Variants in ANK3 observed in about 807,000 individuals in gnomAD.
ANK3 encodes ankyrin-3.
Under a neutral mutation model 370.9 loss-of-function variants are expected in ANK3, and 57 were observed. The observed-to-expected ratio is 0.15, with a 90% CI of 0.12 to 0.19. The LOEUF is 0.19. Among genes scored for constraint, ANK3 ranks in the 10% least tolerant of loss-of-function variants. ANK3 has a pLI of 1.00. For missense variants in ANK3, 4,439 were observed against 5,302.1 expected, an observed-to-expected ratio of 0.84 and a Z score of 5.06; for synonymous variants, 1,929 against 1,946.3, an observed-to-expected ratio of 0.99 and a Z score of 0.23.
chr10:60,197,130 GT>G (rs1466588272), intron 14 of ANK3, among the ~76,000 whole-genome samples: 17 of 152,142 alleles, frequency 1.1e-4, no homozygotes, highest in Admixed American at 9.2e-4. Context: ...GTTTCTCCAT[GT>G]ATACACAATC....
intron 5 of ANK3, among the ~76,000 whole-genome samples, chr10:60,269,450 C>T (rs1188190723): frequency 6.6e-6 from 1 of 152,024 alleles, no homozygotes; most frequent in Non-Finnish European, 1.5e-5. Context: ...TCAAGACCAG[C>T]CTGGCCAAGA....
chr10:60,123,503 AAG>A (rs572743959), intron 25 of ANK3, among the ~76,000 whole-genome samples: 11 of 152,300 alleles, frequency 7.2e-5, no homozygotes, highest in African/African-American at 2.4e-4. Context: ...AAGTGTTTGC[AAG>A]AGAGAGAGAA....
chr10:60,701,511 A>G (rs2079545616), intron 1 of ANK3, among the ~76,000 whole-genome samples: 1 of 152,208 alleles, frequency 6.6e-6, no homozygotes, highest in Non-Finnish European at 1.5e-5. Context: ...AACTGGGAAT[A>G]ATCGAAATAC....
chr10:60,713,951 G>C (rs2079746413), intron 1 of ANK3, among the ~76,000 whole-genome samples: 1 of 151,448 alleles, frequency 6.6e-6, no homozygotes, highest in Middle Eastern at 3.4e-3. Flanking sequence ...AAAAAAAAAA[G>C]CTGGGTCTTT....
At chr10:60,095,553 A>G (rs956228638) in intron 28 of ANK3, among the ~76,000 whole-genome samples, 6 of 152,042 alleles carry the variant, frequency 3.9e-5, no homozygotes, top group African/African-American at 1.4e-4. Context: ...GCTAATTTCT[A>G]AACTTTTTTT....
intron 2 of ANK3, among the ~76,000 whole-genome samples, chr10:60,569,548 C>A (rs2077542411): frequency 6.6e-6 from 1 of 152,156 alleles, no homozygotes; most frequent in Non-Finnish European, 1.5e-5. Flanking sequence ...CAGAACAAAA[C>A]ACAGAAATTA....
At chr10:60,391,332 T>C (rs991778467), upstream of ANK3, among the ~76,000 whole-genome samples, 13 of 152,100 alleles carry the variant, frequency 8.5e-5, no homozygotes, top group Admixed American at 8.5e-4. Flanking sequence ...CCATTGCCTA[T>C]GAAACCATAC....
intron 1 of ANK3, among the ~76,000 whole-genome samples, chr10:60,679,167 A>G (rs1248601681): frequency 6.6e-6 from 1 of 152,198 alleles, no homozygotes; most frequent in Non-Finnish European, 1.5e-5. Flanking sequence ...AAATTGCTGC[A>G]TGGACAGGGC....
At chr10:60,678,439 CAA>C (rs1478008320) in intron 1 of ANK3, among the ~76,000 whole-genome samples, 1 of 151,638 alleles carries the variant, frequency 6.6e-6, no homozygotes, top group Non-Finnish European at 1.5e-5. Context: ...CCGCAAAAGC[CAA>C]AAGTCTAGAT....
upstream of ANK3, among the ~76,000 whole-genome samples, chr10:60,392,128 G>GT (rs1361391414): frequency 1.3e-5 from 2 of 152,144 alleles, no homozygotes; most frequent in African/African-American, 2.4e-5. Flanking sequence ...ATCCTGACAA[G>GT]TAACTCTCAA....
At chr10:60,648,075 G>T (rs1009917720) in intron 1 of ANK3, among the ~76,000 whole-genome samples, 1 of 150,944 alleles carries the variant, frequency 6.6e-6, no homozygotes, top group Admixed American at 6.6e-5. Flanking sequence ...TGGATCTCTT[G>T]ACCTCGTGAT....
At chr10:60,201,865 C>T (rs921228079) in intron 12 of ANK3, among the ~76,000 whole-genome samples, 2 of 152,068 alleles carry the variant, frequency 1.3e-5, no homozygotes, top group East Asian at 3.9e-4. Flanking sequence ...GCATGCACCA[C>T]CACGCCCAGC....
chr10:60,240,097 C>CATAT (rs1565913485), intron 7 of ANK3, among the ~76,000 whole-genome samples: 18 of 118,196 alleles, frequency 1.5e-4, no homozygotes, highest in African/African-American at 5.9e-4. Flanking sequence ...TATATATACA[C>CATAT]ACACATAAAT....
intron 2 of ANK3, among the ~76,000 whole-genome samples, chr10:60,506,278 G>A (rs1010903395): frequency 6.6e-6 from 1 of 151,954 alleles, no homozygotes; most frequent in South Asian, 2.1e-4. Context: ...GTTAACATCA[G>A]CACCCTTTAA....
chr10:60,062,085 G>A (rs1229152127), intron 40 of ANK3: 4 of 152,136 alleles, frequency 2.6e-5, no homozygotes, highest in Non-Finnish European at 5.9e-5. Flanking sequence ...GGCCAACGTG[G>A]TGAAACCCCC....
At chr10:60,140,663 T>TC (rs2094522155) in intron 23 of ANK3, 1 of 1,326,868 alleles carries the variant, frequency 7.5e-7, no homozygotes, top group African/African-American at 1.5e-5. Context: ...TTCGCAGACA[T>TC]CCTTTTAAAG....
chr10:60,140,328 C>T lies in ANK3; in HGVS notation c.2615-1241G>A. Reference sequence around the variant, plus strand: ...GCATCTCAAACAAAAACAGCACACACCAAGTACAACTCAAAGATCTTACTC... The same window carrying T: ...GCATCTCAAACAAAAACAGCACACATCAAGTACAACTCAAAGATCTTACTC... On this transcript the variant is annotated intron_variant, in intron 23 of 43. Coordinates refer to ENST00000280772, the MANE Select transcript of ANK3 (RefSeq NM_020987.5). 5 of 1,613,032 alleles carry T rather than the reference C, an allele frequency of 3.1e-6. No individual in the cohort carries two copies. In the South Asian group the frequency reaches 5.5e-5, roughly 18 times the overall value.
intron 42 of ANK3, chr10:60,051,521 T>C (rs2077993314): frequency 3.0e-6 from 3 of 985,816 alleles, no homozygotes. Flanking sequence ...GACTCTCCGC[T>C]CTTCCTCTGA....
intron 2 of ANK3, among the ~76,000 whole-genome samples, chr10:60,467,095 G>A (rs980916985): frequency 6.6e-6 from 1 of 152,074 alleles, no homozygotes; most frequent in Non-Finnish European, 1.5e-5. Context: ...TCTCAGTAAA[G>A]CTATTAAAAA....
Sources: gnomAD v4.1 joint callset for allele counts (sites outside exome capture counted in the v4.1 genomes callset) on GRCh38, gnomAD v4.1.1 for gene constraint, MANE v1.5 for transcripts, NCBI Gene and HGNC (gene_info 2026-07-23, HGNC 2026-07-21) for gene names.